Variants in CCDC148 observed in about 807,000 individuals in gnomAD.
CCDC148 encodes coiled-coil domain-containing protein 148.
Under a neutral mutation model 85.7 loss-of-function variants are expected in CCDC148, and 89 were observed. The ratio of observed to expected loss-of-function variants is 1.04; its 90% CI spans 0.87 to 1.24. The LOEUF (loss-of-function observed/expected upper bound fraction) is 1.24. Among genes scored for constraint, CCDC148 ranks in the 50% most tolerant of loss-of-function variants. The pLI, the probability that CCDC148 is intolerant of heterozygous loss-of-function variation, is 0.00. For missense variants in CCDC148, 692 were observed against 671.7 expected (o/e 1.03, Z -0.33); for synonymous variants, 230 against 213.9 (o/e 1.08, Z -0.66).
intron 9 of CCDC148, among the ~76,000 whole-genome samples, chr2:158,283,051 G>C (rs552251876): frequency 6.6e-6 from 1 of 152,154 alleles, no homozygotes. Flanking sequence ...TTTAATAAAT[G>C]GTGCTGGGAA....
intron 1 of CCDC148, among the ~76,000 whole-genome samples, chr2:158,390,954 T>C (rs999033706): frequency 1.3e-5 from 2 of 152,178 alleles, no homozygotes; most frequent in Non-Finnish European, 2.9e-5. Flanking sequence ...ACCACTGCCC[T>C]ATACAATAGC....
intron 9 of CCDC148, among the ~76,000 whole-genome samples, chr2:158,266,891 T>G (rs1024469590): frequency 1.6e-5 from 2 of 128,252 alleles, no homozygotes; most frequent in Admixed American, 1.6e-4. Context: ...TATATATTTA[T>G]TTACATATAT....
At chr2:158,195,575 G>C (rs1258123329) in intron 11 of CCDC148, among the ~76,000 whole-genome samples, 1 of 151,996 alleles carries the variant, frequency 6.6e-6, no homozygotes, top group Non-Finnish European at 1.5e-5. Context: ...TTTTTGAGAG[G>C]GACCCATTGT....
chr2:158,432,981 T>C (rs2105333964), intron 1 of CCDC148, among the ~76,000 whole-genome samples: 1 of 149,220 alleles, frequency 6.7e-6, no homozygotes, highest in East Asian at 2.0e-4. Context: ...CTCACACCTG[T>C]AATCCCAGCA....
chr2:158,226,371 G>C (rs1336414173), intron 10 of CCDC148, among the ~76,000 whole-genome samples: 1 of 152,158 alleles, frequency 6.6e-6, no homozygotes, highest in Non-Finnish European at 1.5e-5. Flanking sequence ...TATTCTATCA[G>C]AGGTATAAGG....
At chr2:158,262,648 G>T (rs1465963158) in intron 9 of CCDC148, among the ~76,000 whole-genome samples, 2 of 151,920 alleles carry the variant, frequency 1.3e-5, no homozygotes, top group African/African-American at 2.4e-5. Context: ...GGGAAGAAAG[G>T]CATGTCTTAC....
intron 1 of CCDC148, among the ~76,000 whole-genome samples, chr2:158,395,083 T>A (rs1413642228): frequency 6.6e-6 from 1 of 152,036 alleles, no homozygotes; most frequent in African/African-American, 2.4e-5. Context: ...ATAAAAAATA[T>A]TCAAAATCTA....
intron 11 of CCDC148, among the ~76,000 whole-genome samples, chr2:158,186,968 CTCTAAT>C (rs1161846296): frequency 5.9e-5 from 9 of 152,018 alleles, no homozygotes; most frequent in African/African-American, 2.2e-4. Context: ...CAATATCCAA[CTCTAAT>C]TCTTTGTTGA....
intron 11 of CCDC148, among the ~76,000 whole-genome samples, chr2:158,179,683 CA>C (rs1362549874): frequency 6.6e-6 from 1 of 152,046 alleles, no homozygotes; most frequent in African/African-American, 2.4e-5. Context: ...ATTAAATATA[CA>C]AATTTTTAGA....
At chr2:158,329,633 T>G (rs1220015315) in intron 7 of CCDC148, among the ~76,000 whole-genome samples, 1 of 152,166 alleles carries the variant, frequency 6.6e-6, no homozygotes, top group Non-Finnish European at 1.5e-5. Flanking sequence ...TGATTCTTCC[T>G]ACCCAAGAGC....
chr2:158,438,852 G>A (rs1419997237), intron 1 of CCDC148, among the ~76,000 whole-genome samples: 1 of 152,160 alleles, frequency 6.6e-6, no homozygotes, highest in Non-Finnish European at 1.5e-5. Flanking sequence ...AGACATTTAT[G>A]CAGCCAACAG....
chr2:158,231,618 G>T (rs1341046029), intron 10 of CCDC148, among the ~76,000 whole-genome samples: 2 of 152,072 alleles, frequency 1.3e-5, no homozygotes, highest in Admixed American at 6.6e-5. Flanking sequence ...GATACAGCTA[G>T]GTGTACCTTC....
intron 9 of CCDC148, among the ~76,000 whole-genome samples, chr2:158,262,275 C>T (rs1689263730): frequency 6.6e-6 from 1 of 151,988 alleles, no homozygotes; most frequent in Admixed American, 6.6e-5. Flanking sequence ...TCAAACACCA[C>T]ATGTTCTTAT....
intron 2 of CCDC148, among the ~76,000 whole-genome samples, chr2:158,348,437 CAA>C (rs11292736): frequency 0.18 from 25,637 of 143,280 alleles, 3,467 homozygotes; most frequent in African/African-American, 0.39. Flanking sequence ...AGCAAATCTA[CAA>C]AAAAAAAAAG....
intron 7 of CCDC148, among the ~76,000 whole-genome samples, chr2:158,324,471 TC>T (rs1413752717): frequency 6.6e-6 from 1 of 152,140 alleles, no homozygotes; most frequent in East Asian, 1.9e-4. Context: ...TGAAGCTCAT[TC>T]CCTATTTGCT....
chr2:158,334,629 C>G (rs1332523575), intron 7 of CCDC148, among the ~76,000 whole-genome samples: 1 of 152,022 alleles, frequency 6.6e-6, no homozygotes, highest in African/African-American at 2.4e-5. Context: ...ACCTTATCTT[C>G]CAATTGCCTA....
At chr2:158,437,948 C>G (rs947316435) in intron 1 of CCDC148, among the ~76,000 whole-genome samples, 2 of 152,150 alleles carry the variant, frequency 1.3e-5, no homozygotes, top group Admixed American at 1.3e-4. Context: ...AGGAGAACTA[C>G]AAACCACTGC....
At chr2:158,233,208 A>G (rs1687937731) in intron 10 of CCDC148, among the ~76,000 whole-genome samples, 1 of 152,120 alleles carries the variant, frequency 6.6e-6, no homozygotes, top group East Asian at 1.9e-4. Flanking sequence ...GCAACTCCAC[A>G]CAAAAAGTAT....
chr2:158,417,447 A>G (rs1446410323), intron 1 of CCDC148, among the ~76,000 whole-genome samples: 1 of 152,242 alleles, frequency 6.6e-6, no homozygotes, highest in Non-Finnish European at 1.5e-5. Flanking sequence ...TCTTGGAGCC[A>G]ACAAATAAGC....
Sources: gnomAD v4.1 joint callset for allele counts (sites outside exome capture counted in the v4.1 genomes callset) on GRCh38, gnomAD v4.1.1 for gene constraint, MANE v1.5 for transcripts, NCBI Gene and HGNC (gene_info 2026-07-23, HGNC 2026-07-21) for gene names.